Variants in PRDX6 observed in about 807,000 individuals in gnomAD.
The protein encoded by PRDX6 is peroxiredoxin 6, also known as peroxiredoxin-6.
Under a neutral mutation model 20.0 loss-of-function variants are expected in PRDX6, and 13 were observed. The ratio of observed to expected loss-of-function variants is 0.65; its 90% confidence interval spans 0.42 to 1.03. The LOEUF is 1.03. Among genes scored for constraint, PRDX6 ranks in the 50% least tolerant of loss-of-function variants. PRDX6 has a pLI of 0.00. For missense variants in PRDX6, 203 were observed against 276.9 expected (o/e 0.73, Z 1.89); for synonymous variants, 85 against 100.8 (o/e 0.84, Z 0.94).
intron 2 of PRDX6, among the ~76,000 whole-genome samples, chr1:173,482,898 T>G (rs1033578325): frequency 6.2e-4 from 95 of 152,350 alleles, no homozygotes; most frequent in Non-Finnish European, 4.3e-4. Context: ...GAACATACTT[T>G]TTTCACTCAG....
chr1:173,486,224 C>T (rs894198284), intron 3 of PRDX6, 31 bp from the exon 4 acceptor site: 1 of 1,551,640 alleles, frequency 6.4e-7, no homozygotes, highest in Non-Finnish European at 8.7e-7. Flanking sequence ...TCAAAGAACT[C>T]TTCCTATTTA....
intron 1 of PRDX6, among the ~76,000 whole-genome samples, chr1:173,479,895 C>A (rs1658772777): frequency 6.6e-6 from 1 of 152,146 alleles, no homozygotes; most frequent in African/African-American, 2.4e-5. Context: ...TATGGACTCA[C>A]AGTGGAAAAA....
chr1:173,487,697 T>C, intron 4 of PRDX6, 38 bp from the exon 5 acceptor site: 1 of 1,611,216 alleles, frequency 6.2e-7, no homozygotes, highest in Non-Finnish European at 8.5e-7. Flanking sequence ...AGCTTCACTA[T>C]GAGATTGAAT....
intron 2 of PRDX6, among the ~76,000 whole-genome samples, chr1:173,484,847 T>TG (rs1436515356): frequency 1.1e-5 from 1 of 92,558 alleles, no homozygotes; most frequent in African/African-American, 4.6e-5. Flanking sequence ...TGTGATTTGT[T>TG]TTTTTTTTTT....
chr1:173,477,581 G>A, intron 1 of PRDX6, 89 bp downstream of exon 1: 2 of 1,155,180 alleles, frequency 1.7e-6, no homozygotes, highest in Non-Finnish European at 2.5e-6. Context: ...CCGTCCTCCC[G>A]GCCGCTCAGC....
intron 1 of PRDX6, among the ~76,000 whole-genome samples, chr1:173,479,620 G>A (rs1326611304): frequency 3.3e-5 from 5 of 152,164 alleles, no homozygotes; most frequent in Non-Finnish European, 7.3e-5. Flanking sequence ...GGGGTCTTCT[G>A]GGGCTTAGTA....
chr1:173,479,084 A>T (rs1449916745), intron 1 of PRDX6, among the ~76,000 whole-genome samples: 2 of 152,178 alleles, frequency 1.3e-5, no homozygotes, highest in Non-Finnish European at 1.5e-5. Flanking sequence ...GCTTGTATAG[A>T]TTAAATATTA....
At chr1:173,477,648 G>T (rs1658722625) in intron 1 of PRDX6, among the ~76,000 whole-genome samples, 156 bp downstream of exon 1, 1 of 152,176 alleles carries the variant, frequency 6.6e-6, no homozygotes, top group South Asian at 2.1e-4. Context: ...CAGGCCGTGT[G>T]GCCTCTGCTC....
At chr1:173,479,498 A>G (rs145986178) in intron 1 of PRDX6, among the ~76,000 whole-genome samples, 1 of 152,360 alleles carries the variant, frequency 6.6e-6, no homozygotes, top group Non-Finnish European at 1.5e-5. Flanking sequence ...ATTGTAAACA[A>G]CTAAAGAGGT....
Position 173,485,376 on chromosome 1 carries a change from A to G in PRDX6, c.268A>G (p.Asn90Asp). Residue 90 changes from asparagine to aspartate, a missense_variant, in exon 3 of 5, where the codon AAT (asparagine) becomes GAT (aspartate). By Grantham distance (23) the Asn-to-Asp change is conservative (BLOSUM62 1). Transcript: ENST00000340385. ...LAWSKDINAY[N>D]CEEPTEKLPF... ...TGTGTTTCAGGATATCAATGCTTAC[A>G]ATTGTGAAGAGCCCACAGAAAAGTT... The G allele has an allele frequency of 1.3e-6, 2 of 1,599,092 alleles. No homozygotes were observed. The highest frequency in any genetic ancestry group is 1.7e-6 in the Non-Finnish European group (2 of 1,172,414).
Position 173,477,449 on chromosome 1 carries a change from ACCACCG to A in PRDX6, c.53_58del (p.Thr18_Val20delinsIle). ...CGTGGCTCCCAACTTTGAGGCCAAT[ACCACCG>A]TCGGCCGCATCCGTTTCCACGACTT... On this transcript the variant is annotated inframe_deletion, in exon 1 of 5. Transcript: ENST00000340385. 6.2e-7 allele frequency: 1 copy of A among 1,607,366 alleles called. No individual in the cohort carries two copies. Among genetic ancestry groups the A allele is most frequent in the Non-Finnish European group, 8.5e-7 (1 of 1,177,308 alleles).
chr1:173,477,684 G>A (rs1390315166), intron 1 of PRDX6, among the ~76,000 whole-genome samples, 192 bp downstream of exon 1: 1 of 152,220 alleles, frequency 6.6e-6, no homozygotes, highest in Non-Finnish European at 1.5e-5. Context: ...GCTGGGAGCT[G>A]GCACCCGTTC....
chr1:173,477,450 C>T lies in PRDX6; in HGVS notation c.53C>T (p.Thr18Ile), dbSNP rs759328581. 2.5e-6 allele frequency: 4 copies of T among 1,608,064 alleles called. No individual in the cohort carries two copies. The highest frequency in any genetic ancestry group is 2.2e-5 in the South Asian group (2 of 90,358). Residue 18 changes from threonine (T) to isoleucine (I), a missense_variant, in exon 1 of 5, where the codon ACC becomes ATC. Coordinates refer to ENST00000340385, the MANE Select transcript of PRDX6 (RefSeq NM_004905.3). ...GTGGCTCCCAACTTTGAGGCCAATACCACCGTCGGCCGCATCCGTTTCCAC... is the reference window on the plus strand; with the variant it reads ...GTGGCTCCCAACTTTGAGGCCAATATCACCGTCGGCCGCATCCGTTTCCAC... ...GDVAPNFEAN[T>I]TVGRIRFHDF... is the part of the protein sequence containing the mutation.
intron 1 of PRDX6, 77 bp downstream of exon 1, chr1:173,477,569 T>G (rs1658718632): frequency 7.3e-6 from 9 of 1,239,468 alleles, no homozygotes; most frequent in Non-Finnish European, 1.0e-5. Context: ...TTCTTCTCCC[T>G]GCCGTCCTCC....
At chr1:173,483,207 T>G (rs545765339) in intron 2 of PRDX6, among the ~76,000 whole-genome samples, 1 of 152,340 alleles carries the variant, frequency 6.6e-6, no homozygotes, top group South Asian at 2.1e-4. Context: ...CAGGTTTATT[T>G]TACCTGCTGA....
chr1:173,481,596 A>C, intron 2 of PRDX6, 114 bp downstream of exon 2: 1 of 1,131,754 alleles, frequency 8.8e-7, no homozygotes, highest in South Asian at 1.5e-5. Flanking sequence ...AAAGTTCACT[A>C]ATTATTTGAA....
intron 1 of PRDX6, among the ~76,000 whole-genome samples, chr1:173,479,465 A>G (rs1658765977): frequency 6.6e-6 from 1 of 152,192 alleles, no homozygotes; most frequent in African/African-American, 2.4e-5. Context: ...ATTAAAATGT[A>G]TTTCTCTACC....
At chr1:173,477,948 A>G (rs563620290) in intron 1 of PRDX6, among the ~76,000 whole-genome samples, 1 of 152,136 alleles carries the variant, frequency 6.6e-6, no homozygotes, top group South Asian at 2.1e-4. Context: ...CCAGGGTCGC[A>G]CCGCCCTCCC....
intron 4 of PRDX6, 82 bp downstream of exon 4, chr1:173,486,483 C>T: frequency 1.4e-6 from 2 of 1,412,486 alleles, no homozygotes; most frequent in Non-Finnish European, 1.9e-6. Context: ...TCTGTGTTAC[C>T]TGTTTCTAGC....
Sources: gnomAD v4.1 joint callset for allele counts (sites outside exome capture counted in the v4.1 genomes callset) on GRCh38, gnomAD v4.1.1 for gene constraint, MANE v1.5 for transcripts, NCBI Gene and HGNC (gene_info 2026-07-23, HGNC 2026-07-21) for gene names.